Variants in TBC1D24 observed in about 807,000 individuals in gnomAD.
TBC1D24 encodes Infantile myoclonic epilepsy.
In TBC1D24, 47 loss-of-function variants were observed where a neutral mutation model predicts 50.7. That is an observed-to-expected ratio of 0.93 (90% CI 0.73 to 1.18). The LOEUF (loss-of-function observed/expected upper bound fraction) is 1.18. Ranked by LOEUF, TBC1D24 falls within the 50% of genes most tolerant of loss-of-function variation. The probability of loss-of-function intolerance (pLI) is 0.00; values close to 1 mark genes in which losing one functional copy is unlikely to be tolerated. For missense variants in TBC1D24, 688 were observed against 766.5 expected, an observed-to-expected ratio of 0.90 and a Z score of 1.21; for synonymous variants, 324 against 335.2, an observed-to-expected ratio of 0.97 and a Z score of 0.36.
At chr16:2,476,572 T>C (rs1015494649) in intron 1 of TBC1D24, 6 of 152,262 alleles carry the variant, frequency 3.9e-5, no homozygotes, top group African/African-American at 9.6e-5. Flanking sequence ...GGAGGACTTA[T>C]TGGGGAGTGC....
rs148303194 is a variant in TBC1D24, at chr16:2,500,230, C to A, written c.1303-38C>A. 2 of 1,529,688 alleles carry A rather than the reference C, an allele frequency of 1.3e-6. No homozygotes were observed. Among genetic ancestry groups the A allele is most frequent in the African/African-American group, 1.4e-5 (1 of 72,736 alleles). The allele number at this position is 1,529,688 out of a possible 1,614,324, so 94.8% of individuals were successfully genotyped here. On this transcript the variant is annotated intron_variant, in intron 6 of 7. Coordinates refer to ENST00000646147, the MANE Select transcript of TBC1D24 (RefSeq NM_001199107.2). The surrounding 1 kb of genome is among the most constrained non-coding windows in gnomAD (Gnocchi z 8.0). Reference sequence around the variant, plus strand: ...GCTCTGGGGCAGAGGGGCCTGCGAACGCCCGCGCCAGCTCCTCACACTCCC... The same window carrying A: ...GCTCTGGGGCAGAGGGGCCTGCGAAAGCCCGCGCCAGCTCCTCACACTCCC...
chr16:2,481,434 C>T (rs1177597249), intron 1 of TBC1D24: 2 of 152,242 alleles, frequency 1.3e-5, no homozygotes, highest in African/African-American at 4.8e-5. Context: ...AACTCCACCT[C>T]GAGCTGGATC....
intron 1 of TBC1D24, among the ~76,000 whole-genome samples, chr16:2,495,057 T>A (rs1279984275): frequency 1.3e-5 from 2 of 148,964 alleles, no homozygotes; most frequent in African/African-American, 2.5e-5. Context: ...ATAATAATAA[T>A]AAACAAAAAA....
chr16:2,495,542 G>C (rs909744615), intron 1 of TBC1D24, among the ~76,000 whole-genome samples: 3 of 152,018 alleles, frequency 2.0e-5, no homozygotes, highest in African/African-American at 7.2e-5. Context: ...CACTTTGGGA[G>C]GCCAAGGCAG....
In TBC1D24 at chr16:2,500,824, CTCTACATCGATGGGGA is replaced by C. The variant is rs2065786997; in HGVS notation, c.1547_1562del (p.Leu516ProfsTer2). On this transcript the variant is annotated frameshift_variant, in exon 8 of 8. Coordinates refer to ENST00000646147, the MANE Select transcript of TBC1D24 (RefSeq NM_001199107.2). LOFTEE classifies it high-confidence loss of function. The surrounding 1 kb of genome is among the most constrained non-coding windows in gnomAD (Gnocchi z 8.0). Reference sequence around the variant, plus strand: ...TGCAGGGGGAGGAGGCGGCCAGGCGCTCTACATCGATGGGGACCTGAACCGGGGCCGCACAAGCCAC... The same window carrying C: ...TGCAGGGGGAGGAGGCGGCCAGGCGCCCTGAACCGGGGCCGCACAAGCCAC... 6.2e-7 allele frequency: 1 copy of C among 1,607,094 alleles called. No individual in the cohort carries two copies. The highest frequency in any genetic ancestry group is 8.5e-7 in the Non-Finnish European group (1 of 1,179,826).
intron 1 of TBC1D24, among the ~76,000 whole-genome samples, chr16:2,476,134 C>T (rs2065566312): frequency 6.6e-6 from 1 of 152,240 alleles, no homozygotes; most frequent in African/African-American, 2.4e-5. Context: ...GCTGTGTTTG[C>T]TCTGGAGTCA....
At chr16:2,498,472 C>A in intron 4 of TBC1D24, 76 bp downstream of exon 4, 1 of 1,414,746 alleles carries the variant, frequency 7.1e-7, no homozygotes, top group African/African-American at 1.4e-5. Flanking sequence ...TGGAAATGGG[C>A]CTCAAACCTC....
intron 4 of TBC1D24, among the ~76,000 whole-genome samples, chr16:2,498,992 G>A (rs954187472): frequency 2.6e-5 from 4 of 152,226 alleles, no homozygotes; most frequent in East Asian, 1.9e-4. Context: ...AGCTCCAGGC[G>A]CCACGTTGGC....
In TBC1D24 at chr16:2,505,264, T is replaced by C. The variant is rs1315468848; in HGVS notation, c.*4306T>C. 1 of 152,232 alleles carries C rather than the reference T, an allele frequency of 6.6e-6. No homozygotes were observed. Among genetic ancestry groups the C allele is most frequent in the Non-Finnish European group, 1.5e-5 (1 of 68,040 alleles). 9.4% of individuals were successfully genotyped at this position (152,232 alleles called of 1,614,324 possible). A position where few individuals can be genotyped will look rare whatever the true frequency, so the allele number is the denominator to read the frequency against. Reference sequence around the variant, plus strand: ...ATTGTGCTTGAGAAGTTAGGTACAATGTAATGTGATTCATTGCTAAAAACA... The same window carrying C: ...ATTGTGCTTGAGAAGTTAGGTACAACGTAATGTGATTCATTGCTAAAAACA... On this transcript the variant is annotated 3_prime_UTR_variant, in exon 8 of 8. Coordinates refer to ENST00000646147, the MANE Select transcript of TBC1D24 (RefSeq NM_001199107.2).
In TBC1D24 at chr16:2,500,789, C is replaced by T; in HGVS notation, c.1526-15C>T. 1 of 1,599,584 alleles carries T rather than the reference C, an allele frequency of 6.3e-7. No individual in the cohort carries two copies. The highest frequency in any genetic ancestry group is 1.3e-5 in the African/African-American group (1 of 74,992). The stretch of plus-strand genomic sequence containing the variant: ...ATAGGGCAGTCAGGCCGCCACTGAC[C>T]TGAGCATCCTGCAGGGGGAGGAGGC... On this transcript the variant is annotated splice_polypyrimidine_tract_variant and intron_variant, in intron 7 of 7. Coordinates refer to ENST00000646147, the MANE Select transcript of TBC1D24 (RefSeq NM_001199107.2). The surrounding 1 kb of genome is among the most constrained non-coding windows in gnomAD (Gnocchi z 8.0).
rs1011101247 is a variant in TBC1D24 at position 2,503,050 on chromosome 16, G to A, written c.*2092G>A. ...GGGAAGTCATATCCGTGGACCATTT[G>A]TAGGTTTCCCTCTGCAAACTTCCTG... is the stretch of plus-strand genomic sequence containing the variant. On this transcript the variant is annotated 3_prime_UTR_variant, in exon 8 of 8. Transcript: ENST00000646147. 6.6e-6 allele frequency: 1 copy of A among 152,224 alleles called. No homozygotes were observed. The highest frequency in any genetic ancestry group is 2.4e-5 in the African/African-American group (1 of 41,448). 9.4% of individuals were successfully genotyped at this position (152,224 alleles called of 1,614,324 possible). A position where few individuals can be genotyped will look rare whatever the true frequency, so the allele number is the denominator to read the frequency against.
In TBC1D24 at chr16:2,497,794, G is replaced by A. The variant is rs2065756374; in HGVS notation, c.983+67G>A. On this transcript the variant is annotated intron_variant, in intron 3 of 7. Coordinates refer to ENST00000646147, the MANE Select transcript of TBC1D24 (RefSeq NM_001199107.2). ...CCACCAGGCTGACTCTAGGCCAGCT[G>A]CTTGCTCTGGGTCTCAGGGCTGCTC... The A allele has an allele frequency of 2.0e-6, 3 of 1,474,720 alleles. No homozygotes were observed. The Admixed American group carries it at 5.9e-5, about 29-fold the overall frequency. 91.4% of individuals were successfully genotyped at this position (1,474,720 alleles called of 1,614,324 possible). A position where few individuals can be genotyped will look rare whatever the true frequency, so the allele number is the denominator to read the frequency against.
intron 1 of TBC1D24, among the ~76,000 whole-genome samples, chr16:2,489,810 G>C (rs1639293428): frequency 6.6e-6 from 1 of 152,268 alleles, no homozygotes; most frequent in African/African-American, 2.4e-5. Context: ...AGGCAGCTGA[G>C]CGGTCCTGGC....
chr16:2,493,386 G>A (rs192996024), intron 1 of TBC1D24, among the ~76,000 whole-genome samples: 73 of 152,062 alleles, frequency 4.8e-4, no homozygotes, highest in African/African-American at 1.6e-3. Context: ...TGATCCACCC[G>A]CCTCGGCCTC....
chr16:2,486,285 C>T lies in TBC1D24; in HGVS notation c.-115-9749C>T, dbSNP rs777861097. Among the ~76,000 whole-genome samples, 1 of 152,220 alleles carries T rather than the reference C, an allele frequency of 6.6e-6. No individual in the cohort carries two copies. Among genetic ancestry groups the T allele is most frequent in the African/African-American group, 2.4e-5 (1 of 41,450 alleles). On this transcript the variant is annotated intron_variant, in intron 1 of 7. Transcript: ENST00000646147. This position sits in a 1 kb window ranked among gnomAD's most constrained non-coding sequence, Gnocchi z 5.8. Reference sequence around the variant, plus strand: ...CCCTAGCTGCGGGCGTTGGCGTTCCCCACCCATGGGGCCCGGCCTCATTTC... The same window carrying T: ...CCCTAGCTGCGGGCGTTGGCGTTCCTCACCCATGGGGCCCGGCCTCATTTC...
chr16:2,497,711 G>A lies in TBC1D24; in HGVS notation c.967G>A (p.Val323Met), dbSNP rs937791731. ...CCGTTGCTTTCTCCTGTTTTTCAGT[G>A]TGTCACTTTCTAAAAGGTAGGTCTG... ...QKGITVKQKSVSLSKRQFVHL... is the reference protein window; with the variant it reads ...QKGITVKQKSMSLSKRQFVHL... Residue 323 changes from valine (V) to methionine (M), a missense_variant and splice_region_variant, in exon 3 of 8, where the codon GTG (valine) becomes ATG (methionine). Physicochemically the swap from Val to Met is conservative, Grantham distance 21. Coordinates refer to ENST00000646147, the MANE Select transcript of TBC1D24 (RefSeq NM_001199107.2). 4 of 1,536,118 alleles carry A rather than the reference G, an allele frequency of 2.6e-6. No individual in the cohort carries two copies. Among genetic ancestry groups the A allele is most frequent in the Non-Finnish European group, 3.5e-6 (4 of 1,146,870 alleles).
intron 1 of TBC1D24, chr16:2,477,164 G>A (rs1384178261): frequency 6.6e-6 from 1 of 152,222 alleles, no homozygotes; most frequent in East Asian, 1.9e-4. Flanking sequence ...AATTTCAGTG[G>A]CTGTTTCAAA....
In TBC1D24 at chr16:2,487,518, G is replaced by T. The variant is rs892884559; in HGVS notation, c.-115-8516G>T. Among the ~76,000 whole-genome samples, 1 of 152,236 alleles carries T rather than the reference G, an allele frequency of 6.6e-6. No homozygotes were observed. Among genetic ancestry groups the T allele is most frequent in the East Asian group, 1.9e-4 (1 of 5,204 alleles). The stretch of plus-strand genomic sequence containing the variant: ...TGAAAGAGAGTTTGTTTTCAAATCC[G>T]GTTGTTTGGGAAAATCACATTCCCC... On this transcript the variant is annotated intron_variant, in intron 1 of 7. Transcript: ENST00000646147. This position sits in a 1 kb window ranked among gnomAD's most constrained non-coding sequence, Gnocchi z 4.1.
chr16:2,478,642 C>T (rs1244108723), intron 1 of TBC1D24: 1 of 152,186 alleles, frequency 6.6e-6, no homozygotes, highest in African/African-American at 2.4e-5. Context: ...ACCCTGTGGA[C>T]TCCTAATACA....
Sources: gnomAD v4.1 joint callset for allele counts (sites outside exome capture counted in the v4.1 genomes callset) on GRCh38, gnomAD v4.1.1 for gene constraint, Gnocchi (gnomAD v3.1) non-coding constraint, MANE v1.5 for transcripts, NCBI Gene and HGNC (gene_info 2026-07-23, HGNC 2026-07-21) for gene names.